CRMP1: variants seen among roughly 807,000 people sequenced by gnomAD.
The protein encoded by CRMP1 is collapsin response mediator protein 1, also known as dihydropyrimidinase-related protein 1.
CRMP1 carries 19 observed loss-of-function variants against 68.3 expected under a neutral mutation model. The observed-to-expected ratio is 0.28, with a 90% CI of 0.19 to 0.41. The LOEUF (loss-of-function observed/expected upper bound fraction) is 0.41, where lower values mean the gene tolerates loss of function less well. Among genes scored for constraint, CRMP1 ranks in the 10% least tolerant of loss-of-function variants. CRMP1 has a pLI of 1.00. For missense variants in CRMP1, 791 were observed against 967.4 expected, an observed-to-expected ratio of 0.82 and a Z score of 2.42; for synonymous variants, 439 against 399.6, an observed-to-expected ratio of 1.10 and a Z score of -1.18.
At chr4:5,833,050 C>T (rs1560488311) in intron 11 of CRMP1, among the ~76,000 whole-genome samples, 1 of 152,064 alleles carries the variant, frequency 6.6e-6, no homozygotes, top group Non-Finnish European at 1.5e-5. Context: ...GCAAGTACTG[C>T]TGGGGACGTC....
At chr4:5,827,414 C>T (rs1286853727) in intron 12 of CRMP1, among the ~76,000 whole-genome samples, 1 of 152,206 alleles carries the variant, frequency 6.6e-6, no homozygotes, top group African/African-American at 2.4e-5. Flanking sequence ...GTGTCTTTGA[C>T]CTGGTGCTAC....
At chr4:5,856,058 A>G in intron 4 of CRMP1, 85 bp downstream of exon 4, 1 of 1,507,948 alleles carries the variant, frequency 6.6e-7, no homozygotes, top group Non-Finnish European at 9.1e-7. Context: ...AGATGCAGAC[A>G]GGGGGATTTT....
chr4:5,835,035 C>A (rs999024649), intron 11 of CRMP1, among the ~76,000 whole-genome samples: 47 of 152,140 alleles, frequency 3.1e-4, no homozygotes, highest in African/African-American at 1.1e-3. Flanking sequence ...CCTGTCCCCA[C>A]ACCTGTGGTC....
rs1264295982 is a variant in CRMP1, at chr4:5,888,366, C to T, written c.381+4223G>A. 1.6e-6 allele frequency: 2 copies of T among 1,228,998 alleles called. No homozygotes were observed. Among genetic ancestry groups the T allele is most frequent in the Non-Finnish European group, 2.0e-6 (2 of 983,374 alleles). The allele number at this position is 1,228,998 out of a possible 1,614,324, so 76.1% of individuals were successfully genotyped here. On this transcript the variant is annotated intron_variant, in intron 1 of 13. Coordinates refer to ENST00000324989, the MANE Select transcript of CRMP1 (RefSeq NM_001014809.3). The surrounding 1 kb of genome is among the most constrained non-coding windows in gnomAD (Gnocchi z 6.4). ...CTCCCAGCGGGCGCGCTGACAAAGG[C>T]CCGGGAGGGATAGAGACACGGACGG...
At chr4:5,828,269 A>T in intron 12 of CRMP1, 1 of 985,326 alleles carries the variant, frequency 1.0e-6, no homozygotes, top group Non-Finnish European at 1.2e-6. Context: ...ACCCCTCTAC[A>T]GTTTGCAAAG....
At chr4:5,852,197 T>C (rs932092080) in intron 4 of CRMP1, among the ~76,000 whole-genome samples, 2 of 152,234 alleles carry the variant, frequency 1.3e-5, no homozygotes, top group Non-Finnish European at 2.9e-5. Context: ...CATAAAGACA[T>C]CAACAGTGAC....
rs1715900889 is a variant in CRMP1 at position 5,890,645 on chromosome 4, G to T, written c.381+1944C>A. ...AGGCGCTGCCTTTTGTCCGGTGCCT[G>T]AGAAGCCATGGAGAAAGGCAGAGGG... On this transcript the variant is annotated intron_variant, in intron 1 of 13. Transcript: ENST00000324989. This position sits in a 1 kb window ranked among gnomAD's most constrained non-coding sequence, Gnocchi z 5.5. Among the ~76,000 whole-genome samples the T allele has an allele frequency of 6.6e-6, 1 of 152,238 alleles. No homozygotes were observed. The highest frequency in any genetic ancestry group is 1.5e-5 in the Non-Finnish European group (1 of 68,042).
chr4:5,827,685 T>C (rs1486703399), intron 12 of CRMP1, among the ~76,000 whole-genome samples: 1 of 151,552 alleles, frequency 6.6e-6, no homozygotes, highest in Admixed American at 6.6e-5. Context: ...CGTGCATGCA[T>C]GTACACATGC....
rs1339256363 is a variant in CRMP1 at position 5,892,297 on chromosome 4, G to A, written c.381+292C>T. Reference sequence around the variant, plus strand: ...TTTAAGCGTCCATGCGGTAGCTTTAGCCAACTTCCCCTCTCAGAACCTCTC... The same window carrying A: ...TTTAAGCGTCCATGCGGTAGCTTTAACCAACTTCCCCTCTCAGAACCTCTC... On this transcript the variant is annotated intron_variant, in intron 1 of 13. Transcript: ENST00000324989. The surrounding 1 kb of genome is among the most constrained non-coding windows in gnomAD (Gnocchi z 8.6). Among the ~76,000 whole-genome samples, 1 of 152,224 alleles carries A rather than the reference G, an allele frequency of 6.6e-6. No homozygotes were observed. The highest frequency in any genetic ancestry group is 1.5e-5 in the Non-Finnish European group (1 of 68,040).
chr4:5,833,673 G>A (rs1720532393), intron 11 of CRMP1, among the ~76,000 whole-genome samples: 1 of 152,184 alleles, frequency 6.6e-6, no homozygotes, highest in African/African-American at 2.4e-5. Context: ...CTACAAAACA[G>A]TATTTGGCTG....
At chr4:5,871,865 C>T (rs1316494795) in intron 1 of CRMP1, among the ~76,000 whole-genome samples, 1 of 152,066 alleles carries the variant, frequency 6.6e-6, no homozygotes, top group African/African-American at 2.4e-5. Context: ...CAGAAGAGAC[C>T]GTAGGAAATG....
chr4:5,885,548 C>T (rs763517988), intron 1 of CRMP1, among the ~76,000 whole-genome samples: 1 of 152,146 alleles, frequency 6.6e-6, no homozygotes, highest in African/African-American at 2.4e-5. Flanking sequence ...TGGGCTCTCC[C>T]GAGGCCGTCT....
At chr4:5,849,319 G>T in intron 6 of CRMP1, 73 bp downstream of exon 6, 1 of 1,239,068 alleles carries the variant, frequency 8.1e-7, no homozygotes, top group Non-Finnish European at 1.2e-6. Flanking sequence ...ACTAACCAAT[G>T]CTCTTTTATC....
In CRMP1 at chr4:5,870,037, T is replaced by A. The variant is rs969030116; in HGVS notation, c.382-3281A>T. Among the ~76,000 whole-genome samples, 1 of 152,172 alleles carries A rather than the reference T, an allele frequency of 6.6e-6. No homozygotes were observed. Among genetic ancestry groups the A allele is most frequent in the Non-Finnish European group, 1.5e-5 (1 of 68,026 alleles). ...GAAGAGTTTAACCCAAACTAAGGCA[T>A]CAGAAACACATCATGCAGTCGGCTG... On this transcript the variant is annotated intron_variant, in intron 1 of 13. Coordinates refer to ENST00000324989, the MANE Select transcript of CRMP1 (RefSeq NM_001014809.3). This position sits in a 1 kb window ranked among gnomAD's most constrained non-coding sequence, Gnocchi z 6.0.
Position 5,821,817 on chromosome 4 carries a change from G to A in CRMP1, c.2004C>T (p.Thr668=), listed in dbSNP as rs753384463. The change falls in exon 14 of 14, where the codon ACC becomes ACT. Residue 668 remains threonine (T), a synonymous_variant. Coordinates refer to ENST00000324989, the MANE Select transcript of CRMP1 (RefSeq NM_001014809.3). The surrounding 1 kb of genome is among the most constrained non-coding windows in gnomAD (Gnocchi z 4.4). The part of the protein sequence containing the change: ...AQIDDNNPRR[T]GHRIVAPPGG... ...CAGGGGGCGCCACGATGCGGTGGCC[G>A]GTGCGCCTGGGATTGTTGTCATCTA... 24 of 1,609,964 alleles carry A rather than the reference G, an allele frequency of 1.5e-5. No homozygotes were observed. The highest frequency in any genetic ancestry group is 3.3e-5 in the Admixed American group (2 of 59,726).
chr4:5,854,775 T>C lies in CRMP1; in HGVS notation c.820+1368A>G, dbSNP rs1240248997. Among the ~76,000 whole-genome samples the C allele has an allele frequency of 2.0e-5, 3 of 152,138 alleles. No homozygotes were observed. Among genetic ancestry groups the C allele is most frequent in the Non-Finnish European group, 1.5e-5 (1 of 68,036 alleles). The stretch of plus-strand genomic sequence containing the variant: ...GGTGCAAAGGTGCAGGGACTAGAGA[T>C]TCTGGCATAGGATTTGCAGGGGTAC... On this transcript the variant is annotated intron_variant, in intron 4 of 13. Coordinates refer to ENST00000324989, the MANE Select transcript of CRMP1 (RefSeq NM_001014809.3). This position sits in a 1 kb window ranked among gnomAD's most constrained non-coding sequence, Gnocchi z 4.0.
chr4:5,871,487 C>T (rs894721121), intron 1 of CRMP1, among the ~76,000 whole-genome samples: 5 of 151,988 alleles, frequency 3.3e-5, no homozygotes, highest in African/African-American at 9.7e-5. Context: ...GGTGAAACCC[C>T]GTCTGTACTA....
Position 5,892,902 on chromosome 4 carries a change from C to T in CRMP1, c.68G>A (p.Ser23Asn). 7.3e-7 allele frequency: 1 copy of T among 1,373,180 alleles called. No homozygotes were observed. Among genetic ancestry groups the T allele is most frequent in the Non-Finnish European group, 9.5e-7 (1 of 1,056,728 alleles). 85.1% of individuals were successfully genotyped at this position (1,373,180 alleles called of 1,614,324 possible). The stretch of plus-strand genomic sequence containing the variant: ...CTTCTGGCGCGGGGTCTGCGCCGCG[C>T]TGCCCGGCCGCGCCAGGTACACGGG... Reference protein sequence around the residue: ...DLPVYLARPGSAAQTPRQKYG... With the variant: ...DLPVYLARPGNAAQTPRQKYG... Residue 23 changes from serine (S) to asparagine (N), a missense_variant, in exon 1 of 14, where the codon AGC becomes AAC. By Grantham distance (46) the Ser-to-Asn change is conservative. Transcript: ENST00000324989. The surrounding 1 kb of genome is among the most constrained non-coding windows in gnomAD (Gnocchi z 8.6).
At chr4:5,868,261 C>CTATATATATATATATATA (rs60816757) in intron 1 of CRMP1, among the ~76,000 whole-genome samples, 10 of 111,466 alleles carry the variant, frequency 9.0e-5, no homozygotes, top group South Asian at 3.1e-4. Flanking sequence ...GACTATATAT[C>CTATATATATATATATATA]TATATATATA....
Sources: gnomAD v4.1 joint callset for allele counts (sites outside exome capture counted in the v4.1 genomes callset) on GRCh38, gnomAD v4.1.1 for gene constraint, Gnocchi (gnomAD v3.1) non-coding constraint, MANE v1.5 for transcripts, NCBI Gene and HGNC (gene_info 2026-07-23, HGNC 2026-07-21) for gene names.